SLC9A7: variants seen among roughly 807,000 people sequenced by gnomAD.
SLC9A7 encodes solute carrier family 9 member A7, also known as sodium/hydrogen exchanger 7.
In SLC9A7, 19 loss-of-function variants were observed where a neutral mutation model predicts 52.6. The ratio of observed to expected loss-of-function variants is 0.36; its 90% CI spans 0.25 to 0.53. The LOEUF (loss-of-function observed/expected upper bound fraction) is 0.53, where lower values mean the gene tolerates loss of function less well. Ranked by LOEUF, SLC9A7 falls within the 20% of genes least tolerant of loss-of-function variation. SLC9A7 has a pLI of 0.91. For synonymous variants in SLC9A7, 226 were observed against 252.1 expected (o/e 0.90, Z 0.98); for missense variants, 455 against 597.9 (o/e 0.76, Z 2.49).
intron 14 of SLC9A7, among the ~76,000 whole-genome samples, chrX:46,628,494 A>G (rs1569503839): frequency 8.9e-6 from 1 of 112,306 alleles, no homozygotes; most frequent in Non-Finnish European, 1.9e-5. Context: ...CTTTCCCCAC[A>G]TGAAGCAAAG....
At chrX:46,685,820 T>C (rs1458529177) in intron 1 of SLC9A7, 1 of 112,150 alleles carries the variant, frequency 8.9e-6, no homozygotes, top group Non-Finnish European at 1.9e-5. Flanking sequence ...ATCTGCAGCA[T>C]CTGGAGGCAG....
intron 3 of SLC9A7, among the ~76,000 whole-genome samples, chrX:46,678,598 A>G (rs896125130): frequency 9.2e-6 from 1 of 108,790 alleles, no homozygotes; most frequent in South Asian, 4.0e-4. Context: ...CACCATGCCC[A>G]GCTAATTTTT....
At chrX:46,610,545 C>A (rs1313661105) in intron 16 of SLC9A7, among the ~76,000 whole-genome samples, 1 of 111,751 alleles carries the variant, frequency 8.9e-6, no homozygotes, top group Non-Finnish European at 1.9e-5. Context: ...TTTGAAGAGA[C>A]CCTTTGCTCC....
At chrX:46,609,136 A>T (rs985345701) in intron 16 of SLC9A7, among the ~76,000 whole-genome samples, 1 of 111,817 alleles carries the variant, frequency 8.9e-6, no homozygotes, top group Non-Finnish European at 1.9e-5. Context: ...TTACTGCTTC[A>T]AGGTTTGGAG....
intron 1 of SLC9A7, among the ~76,000 whole-genome samples, chrX:46,750,978 A>G (rs1249548874): frequency 8.9e-6 from 1 of 112,238 alleles, no homozygotes; most frequent in African/African-American, 3.2e-5. Flanking sequence ...ACTGCAATAG[A>G]GATTGGCTAG....
chrX:46,702,594 T>C (rs1448331689), intron 1 of SLC9A7, among the ~76,000 whole-genome samples: 1 of 111,960 alleles, frequency 8.9e-6, no homozygotes, highest in Non-Finnish European at 1.9e-5. Flanking sequence ...TACTTCCATG[T>C]TGGTGCAAAG....
chrX:46,663,619 C>G (rs1282295940), intron 5 of SLC9A7, among the ~76,000 whole-genome samples: 1 of 52,267 alleles, frequency 1.9e-5, no homozygotes, highest in Non-Finnish European at 3.3e-5. Context: ...GCCTGGGCAA[C>G]AAGAGTGAAA....
At chrX:46,725,436 A>G in intron 1 of SLC9A7, 1 of 1,117,649 alleles carries the variant, frequency 8.9e-7, no homozygotes. Context: ...TAAATCCTCA[A>G]TCTGGTCGAT....
intron 1 of SLC9A7, among the ~76,000 whole-genome samples, chrX:46,712,677 A>G (rs1324636164): frequency 8.9e-6 from 1 of 112,289 alleles, no homozygotes; most frequent in Non-Finnish European, 1.9e-5. Context: ...ATAAGGGCTC[A>G]GTGACAGATT....
intron 1 of SLC9A7, among the ~76,000 whole-genome samples, chrX:46,715,057 T>TA (rs1277569686): frequency 8.9e-6 from 1 of 112,135 alleles, no homozygotes; most frequent in Non-Finnish European, 1.9e-5. Context: ...TGCGCTAGAT[T>TA]AAATTATTCC....
intron 1 of SLC9A7, among the ~76,000 whole-genome samples, chrX:46,728,385 T>C (rs188451836): frequency 5.4e-5 from 6 of 112,069 alleles, no homozygotes; most frequent in South Asian, 3.7e-4. Flanking sequence ...GGATGGCAAA[T>C]AGGCATAAGA....
chrX:46,759,022 G>C lies in SLC9A7; in HGVS notation c.8C>G (p.Pro3Arg), dbSNP rs1922923236. Residue 3 changes from proline (P) to arginine (R), a missense_variant, in exon 1 of 17, where the codon CCT becomes CGT. By Grantham distance (103) the Pro-to-Arg change is moderately radical (BLOSUM62 -2). Around this residue, in one of 3 missense-constraint regions of SLC9A7, gnomAD observed 304 missense variants for 417.8 expected, o/e 0.73. Transcript: ENST00000616978. Reference protein sequence around the residue: MEPGDAARPGSGR... With the variant: MERGDAARPGSGR... ...CGAGCCAGGGCGCGCCGCGTCACCA[G>C]GCTCCATGGTCCCGGGGCCCCCCGC... 1 of 956,843 alleles carries C rather than the reference G, an allele frequency of 1.0e-6. No individual in the cohort carries two copies. Among genetic ancestry groups the C allele is most frequent in the Non-Finnish European group, 1.3e-6 (1 of 770,966 alleles). The allele number at this position is 956,843 out of a possible 1,213,427, so 78.9% of individuals were successfully genotyped here. A position where few individuals can be genotyped will look rare whatever the true frequency, so the allele number is the denominator to read the frequency against.
intron 12 of SLC9A7, among the ~76,000 whole-genome samples, chrX:46,636,863 A>G (rs1943328999): frequency 8.9e-6 from 1 of 112,100 alleles, no homozygotes; most frequent in African/African-American, 3.2e-5. Context: ...ATTCCCTGAC[A>G]TATGCAAGTG....
intron 7 of SLC9A7, among the ~76,000 whole-genome samples, chrX:46,654,560 C>T (rs753428257): frequency 1.8e-5 from 2 of 111,198 alleles, no homozygotes; most frequent in Middle Eastern, 4.2e-3. Flanking sequence ...ATGGTCATGA[C>T]GTCAGGCTGG....
At chrX:46,675,376 C>G in intron 3 of SLC9A7, among the ~76,000 whole-genome samples, 1 of 111,400 alleles carries the variant, frequency 9.0e-6, no homozygotes, top group Non-Finnish European at 1.9e-5. Context: ...AGATGGCAAC[C>G]ATATTAAGGA....
At chrX:46,677,539 A>G (rs956654895) in intron 3 of SLC9A7, among the ~76,000 whole-genome samples, 2 of 112,468 alleles carry the variant, frequency 1.8e-5, no homozygotes, top group Non-Finnish European at 3.8e-5. Context: ...AATCACCATC[A>G]CCTTCTTACA....
chrX:46,658,992 G>A (rs1390573302), intron 7 of SLC9A7, among the ~76,000 whole-genome samples: 6 of 111,149 alleles, frequency 5.4e-5, no homozygotes, highest in East Asian at 2.8e-4. Context: ...CTGGCAAACC[G>A]AATCCAGCAG....
At chrX:46,692,076 C>A (rs891200866) in intron 1 of SLC9A7, among the ~76,000 whole-genome samples, 1 of 111,225 alleles carries the variant, frequency 9.0e-6, no homozygotes, top group Non-Finnish European at 1.9e-5. Flanking sequence ...AAGTAAGCAA[C>A]CTTACTCTAT....
At chrX:46,750,102 A>G (rs1179608078) in intron 1 of SLC9A7, among the ~76,000 whole-genome samples, 1 of 110,307 alleles carries the variant, frequency 9.1e-6, no homozygotes, top group Non-Finnish European at 1.9e-5. Context: ...AGAAAAAAAA[A>G]GGGTCAACTT....
Sources: gnomAD v4.1 joint callset for allele counts (sites outside exome capture counted in the v4.1 genomes callset) on GRCh38, gnomAD v4.1.1 for gene constraint, gnomAD v4.1.1 regional missense constraint, MANE v1.5 for transcripts, NCBI Gene and HGNC (gene_info 2026-07-23, HGNC 2026-07-21) for gene names.